Variants in CTDP1 observed in about 807,000 individuals in gnomAD.
CTDP1 encodes RNA polymerase II subunit A C-terminal domain phosphatase.
CTDP1 carries 47 observed loss-of-function variants against 91.8 expected under a neutral mutation model. That is an observed-to-expected ratio of 0.51 (90% CI 0.41 to 0.65). The LOEUF (loss-of-function observed/expected upper bound fraction) is 0.65. CTDP1 is among the 30% of genes least tolerant of loss of function. The pLI is 0.00. For missense variants in CTDP1, 1,272 were observed against 1,373.7 expected (o/e 0.93, Z 1.17); for synonymous variants, 656 against 598.5 (o/e 1.10, Z -1.40).
rs766365022 is a variant in CTDP1, at chr18:79,696,049, G to A, written c.471G>A (p.Pro157=). The part of the protein sequence containing the change: ...TATVSMVHSV[P]ELMVSSEQAE... The stretch of plus-strand genomic sequence containing the variant: ...CCGTGTCCATGGTGCACAGCGTGCC[G>A]GAGTTGATGGTGAGCTCCGAGGTGA... The change falls in exon 3 of 13, where the codon CCG becomes CCA. Residue 157 remains proline (P), a synonymous_variant. Coordinates refer to ENST00000613122, the MANE Select transcript of CTDP1 (RefSeq NM_004715.5). 40 of 1,611,996 alleles carry A rather than the reference G, an allele frequency of 2.5e-5. No homozygotes were observed. The highest frequency in any genetic ancestry group is 1.6e-4 in the Middle Eastern group (1 of 6,082).
chr18:79,728,450 G>C (rs969498309), intron 10 of CTDP1, among the ~76,000 whole-genome samples: 5 of 152,128 alleles, frequency 3.3e-5, no homozygotes, highest in African/African-American at 7.2e-5. Flanking sequence ...TCACTTGGCC[G>C]TTTTTTGTGT....
intron 4 of CTDP1, among the ~76,000 whole-genome samples, chr18:79,702,457 T>A (rs1206678082): frequency 4.6e-5 from 7 of 152,226 alleles, no homozygotes. Context: ...TCCTGCAACC[T>A]CCACCTCCCG....
At chr18:79,747,898 G>A (rs547885123) in intron 12 of CTDP1, among the ~76,000 whole-genome samples, 68 of 152,312 alleles carry the variant, frequency 4.5e-4, no homozygotes, top group Admixed American at 1.8e-3. Context: ...CCGCACTGAC[G>A]GATATCTTTC....
intron 5 of CTDP1, 62 bp from the exon 6 acceptor site, chr18:79,710,284 A>G (rs2086052925): frequency 1.2e-5 from 16 of 1,282,152 alleles, no homozygotes; most frequent in Non-Finnish European, 1.7e-5. Context: ...AGGCTTCACC[A>G]TGTGCCGTGT....
intron 7 of CTDP1, among the ~76,000 whole-genome samples, chr18:79,714,070 G>T (rs553131347): frequency 1.2e-4 from 18 of 152,050 alleles, no homozygotes; most frequent in African/African-American, 4.3e-4. Context: ...GTGGCGCCAG[G>T]TCTGCAGGGG....
Position 79,714,592 on chromosome 18 carries a change from G to A in CTDP1, c.1132G>A (p.Glu378Lys), listed in dbSNP as rs1337323431. The A allele has an allele frequency of 6.2e-7, 1 of 1,613,068 alleles. No homozygotes were observed. Among genetic ancestry groups the A allele is most frequent in the Admixed American group, 1.7e-5 (1 of 60,038 alleles). ...APGVEPSNGL[E>K]KPARELNGSE... Reference sequence around the variant, plus strand: ...TGGAGTGGAGCCCAGCAATGGCCTGGAGAAGCCTGCACGGGAGCTGAACGG... The same window carrying A: ...TGGAGTGGAGCCCAGCAATGGCCTGAAGAAGCCTGCACGGGAGCTGAACGG... Residue 378 changes from glutamate (E) to lysine (K), a missense_variant, in exon 8 of 13, where the codon GAG becomes AAG. Transcript: ENST00000613122.
Position 79,713,194 on chromosome 18 carries a change from CTCT to C in CTDP1, c.1030+61_1030+63del, listed in dbSNP as rs146958818. 4,277 of 1,536,900 alleles carry C rather than the reference CTCT, an allele frequency of 2.8e-3. 94 individuals are homozygous for C. The African/African-American group carries it at 0.048, about 17-fold the overall frequency. On this transcript the variant is annotated intron_variant, in intron 7 of 12. Transcript: ENST00000613122. This position sits in a 1 kb window ranked among gnomAD's most constrained non-coding sequence, Gnocchi z 4.7. ...GAATTCACATTTGCTTATTGTTTAG[CTCT>C]TCTTATTTCTTATCTCTGTTTTGAC... is the stretch of plus-strand genomic sequence containing the variant.
At chr18:79,698,010 G>A (rs373247338) in intron 4 of CTDP1, 22 bp downstream of exon 4, 89 of 1,613,916 alleles carry the variant, frequency 5.5e-5, no homozygotes, top group Admixed American at 1.0e-4. Context: ...CAGCATCTAC[G>A]GACAGTTTCC....
intron 5 of CTDP1, among the ~76,000 whole-genome samples, chr18:79,705,611 G>A (rs373082607): frequency 1.3e-5 from 2 of 151,904 alleles, no homozygotes; most frequent in South Asian, 2.1e-4. Flanking sequence ...TCTGTCCCAC[G>A]TGGACAAAGC....
intron 1 of CTDP1, among the ~76,000 whole-genome samples, chr18:79,681,695 A>G (rs932939871): frequency 6.6e-6 from 1 of 152,088 alleles, no homozygotes; most frequent in Admixed American, 6.5e-5. Flanking sequence ...GGGGTACCTC[A>G]CAGGGCCCTT....
intron 12 of CTDP1, among the ~76,000 whole-genome samples, chr18:79,742,802 A>G (rs2086805656): frequency 6.6e-6 from 1 of 152,116 alleles, no homozygotes; most frequent in Non-Finnish European, 1.5e-5. Flanking sequence ...TACTGAAAAT[A>G]CAAAAATTAG....
chr18:79,704,719 G>A (rs752559278), intron 4 of CTDP1, 48 bp from the exon 5 acceptor site: 8 of 1,609,498 alleles, frequency 5.0e-6, no homozygotes, highest in Admixed American at 3.3e-5. Flanking sequence ...GGGGGCGGCC[G>A]GGGCTCCTCA....
At chr18:79,702,268 C>T (rs2085875372) in intron 4 of CTDP1, among the ~76,000 whole-genome samples, 1 of 152,248 alleles carries the variant, frequency 6.6e-6, no homozygotes, top group African/African-American at 2.4e-5. Flanking sequence ...GATCAGTCAG[C>T]AGCCATCAGC....
At chr18:79,689,094 C>T (rs564826033) in intron 1 of CTDP1, among the ~76,000 whole-genome samples, 1 of 152,300 alleles carries the variant, frequency 6.6e-6, no homozygotes, top group South Asian at 2.1e-4. Context: ...CTAATAAAGT[C>T]CTTTGTAACA....
At chr18:79,736,755 G>T (rs1443477316) in intron 12 of CTDP1, among the ~76,000 whole-genome samples, 2 of 145,258 alleles carry the variant, frequency 1.4e-5, no homozygotes, top group Admixed American at 1.4e-4. Context: ...TGTGGGGGGG[G>T]ATCTGTACAT....
intron 12 of CTDP1, among the ~76,000 whole-genome samples, chr18:79,747,669 A>G (rs945468998): frequency 3.9e-5 from 6 of 152,172 alleles, no homozygotes; most frequent in African/African-American, 1.4e-4. Flanking sequence ...CACTGGGGAA[A>G]TTATCCGCCA....
intron 10 of CTDP1, among the ~76,000 whole-genome samples, chr18:79,719,820 A>G (rs1294172786): frequency 7.3e-6 from 1 of 137,088 alleles, no homozygotes; most frequent in East Asian, 2.2e-4. Flanking sequence ...TGTCCTGGTG[A>G]TGATGTCATC....
rs190778977 is a variant in CTDP1, at chr18:79,694,496, C to T, written c.315-729C>T. 8.4e-4 allele frequency among the ~76,000 whole-genome samples: 113 copies of T among 134,188 alleles called. 2 individuals carry two copies. Among genetic ancestry groups the T allele is most frequent in the African/African-American group, 3.4e-3 (108 of 31,502 alleles). 88.0% of individuals were successfully genotyped at this position (134,188 alleles called of 152,430 possible). On this transcript the variant is annotated intron_variant, in intron 1 of 12. Transcript: ENST00000613122. ...TGAGTGCTGGGCGGTCTCATGTCCA[C>T]GGGGTGGGGTGGTCGGAGCAGCCCG...
chr18:79,704,659 C>T (rs1461164159), intron 4 of CTDP1, 108 bp from the exon 5 acceptor site: 19 of 1,457,202 alleles, frequency 1.3e-5, no homozygotes, highest in Non-Finnish European at 1.5e-5. Flanking sequence ...GAACGCTTGT[C>T]TGGGGCACAC....
Sources: allele counts gnomAD v4.1 joint callset (sites outside exome capture counted in the v4.1 genomes callset), GRCh38; gene constraint gnomAD v4.1.1; non-coding constraint Gnocchi (gnomAD v3.1); transcripts MANE v1.5; gene names NCBI Gene and HGNC (gene_info 2026-07-23, HGNC 2026-07-21).